Variants in NBEA observed in about 807,000 individuals in gnomAD.
The protein encoded by NBEA is lysosomal-trafficking regulator 2.
A neutral mutation model predicts 343.4 loss-of-function variants in NBEA; 44 were observed. That is an observed-to-expected ratio of 0.13 (90% CI 0.10 to 0.16). The LOEUF is 0.16. NBEA is among the 10% of genes least tolerant of loss of function. NBEA has a pLI of 1.00. For synonymous variants in NBEA, 1,175 were observed against 1,238.7 expected, an observed-to-expected ratio of 0.95 and a Z score of 1.08; for missense variants, 2,555 against 3,631.3, an observed-to-expected ratio of 0.70 and a Z score of 7.62.
chr13:35,237,460 C>T (rs1047497526), intron 34 of NBEA, among the ~76,000 whole-genome samples: 1 of 152,202 alleles, frequency 6.6e-6, no homozygotes, highest in African/African-American at 2.4e-5. Context: ...CGCTCTCCTT[C>T]TGTTTCCCTT....
rs189762573 is a variant in NBEA, at chr13:35,530,301, T to A, written c.6586-20176T>A. On this transcript the variant is annotated intron_variant, in intron 41 of 58. Coordinates refer to ENST00000379939, the MANE Select transcript of NBEA (RefSeq NM_001385012.1). ...TCTGGTGGTGTGATTAGATTGGGGC[T>A]GAACCCTCCAGCTGGCAGGCCTGTC... Among the ~76,000 whole-genome samples, 298 of 152,344 alleles carry A rather than the reference T, an allele frequency of 2.0e-3. 1 individual carries two copies. The highest frequency in any genetic ancestry group is 6.2e-3 in the African/African-American group (257 of 41,588).
At chr13:35,438,219 C>G (rs2045546673) in intron 39 of NBEA, among the ~76,000 whole-genome samples, 1 of 152,118 alleles carries the variant, frequency 6.6e-6, no homozygotes, top group South Asian at 2.1e-4. Context: ...TCTTATGTTC[C>G]TCAGAGATGT....
intron 22 of NBEA, among the ~76,000 whole-genome samples, chr13:35,161,160 C>T (rs558403119): frequency 6.6e-6 from 1 of 152,154 alleles, no homozygotes; most frequent in African/African-American, 2.4e-5. Context: ...TAAAGGAAAA[C>T]ATCGTGCGTT....
chr13:35,643,429 C>A (rs2084065804), intron 49 of NBEA, among the ~76,000 whole-genome samples: 1 of 152,222 alleles, frequency 6.6e-6, no homozygotes, highest in South Asian at 2.1e-4. Flanking sequence ...CAACAAATGT[C>A]TGTTAATTGT....
chr13:34,982,834 G>GT (rs569378032), intron 1 of NBEA, among the ~76,000 whole-genome samples: 25 of 151,642 alleles, frequency 1.6e-4, no homozygotes, highest in East Asian at 7.7e-4. Flanking sequence ...TCACCTATGG[G>GT]TTTTTTTTGC....
intron 34 of NBEA, chr13:35,251,327 C>A: frequency 1.0e-6 from 1 of 973,400 alleles, no homozygotes; most frequent in Non-Finnish European, 1.2e-6. Context: ...CAGCCTGTCA[C>A]TGCCAGCTTC....
intron 17 of NBEA, among the ~76,000 whole-genome samples, chr13:35,125,607 T>C (rs1369491321): frequency 6.6e-6 from 1 of 152,176 alleles, no homozygotes; most frequent in African/African-American, 2.4e-5. Context: ...TCCCTTCTTT[T>C]ACACATATGC....
At chr13:35,197,142 A>T (rs2072673833) in intron 31 of NBEA, among the ~76,000 whole-genome samples, 1 of 152,208 alleles carries the variant, frequency 6.6e-6, no homozygotes, top group African/African-American at 2.4e-5. Context: ...TACTAACAGT[A>T]GTACTTAACA....
chr13:35,203,011 C>A (rs181375004), intron 31 of NBEA, among the ~76,000 whole-genome samples: 1 of 152,144 alleles, frequency 6.6e-6, no homozygotes, highest in African/African-American at 2.4e-5. Context: ...TTTTACTTTG[C>A]TATTCCACTC....
At position 35,550,963 on chromosome 13, in the gene NBEA, C is replaced by T. The variant is rs746816085; in HGVS notation, c.6737C>T (p.Thr2246Ile). The change falls in exon 43 of 59, where the codon ACA becomes ATA. Residue 2246 changes from threonine (T) to isoleucine (I), a missense_variant. By Grantham distance (89) the Thr-to-Ile change is moderately conservative. Around this residue, in one of 21 missense-constraint regions of NBEA, gnomAD observed 246 missense variants for 313.7 expected, o/e 0.78. Transcript: ENST00000379939. ...SVMFNFPDQA[T>I]VKKVVYSLPR... ...ATGTTTAATTTCCCTGATCAAGCAA[C>T]AGTAAAAAAAGTTGTCTATAGCTTG... 6 of 1,610,566 alleles carry T rather than the reference C, an allele frequency of 3.7e-6. No homozygotes were observed. The highest frequency in any genetic ancestry group is 2.2e-5 in the South Asian group (2 of 90,880).
chr13:35,620,336 A>T (rs568547822), intron 48 of NBEA, among the ~76,000 whole-genome samples: 1 of 152,112 alleles, frequency 6.6e-6, no homozygotes, highest in East Asian at 1.9e-4. Flanking sequence ...ATGAAGGGAG[A>T]TTAGAGGTAG....
chr13:34,962,672 TAAAC>T (rs2059697494), intron 1 of NBEA, among the ~76,000 whole-genome samples: 2 of 152,200 alleles, frequency 1.3e-5, no homozygotes, highest in South Asian at 2.1e-4. Flanking sequence ...CTTAATGAAA[TAAAC>T]AACTGCTTTT....
intron 30 of NBEA, among the ~76,000 whole-genome samples, chr13:35,191,284 A>G (rs192402521): frequency 7.9e-5 from 12 of 152,236 alleles, no homozygotes; most frequent in African/African-American, 1.9e-4. Flanking sequence ...TCATTAATAT[A>G]TATGTCTAAA....
At chr13:35,464,679 TG>T (rs2047077716) in intron 40 of NBEA, among the ~76,000 whole-genome samples, 1 of 152,190 alleles carries the variant, frequency 6.6e-6, no homozygotes, top group Non-Finnish European at 1.5e-5. Context: ...TTTTCTTATC[TG>T]TAAAATGGAG....
At chr13:35,288,427 G>A (rs1477188987) in intron 34 of NBEA, among the ~76,000 whole-genome samples, 2 of 151,882 alleles carry the variant, frequency 1.3e-5, no homozygotes, top group Non-Finnish European at 2.9e-5. Flanking sequence ...CATGAGTAAA[G>A]GTGTGAGGTT....
At chr13:35,580,094 T>TA (rs1386395849) in intron 45 of NBEA, among the ~76,000 whole-genome samples, 1 of 152,028 alleles carries the variant, frequency 6.6e-6, no homozygotes, top group African/African-American at 2.4e-5. Context: ...AACTGAATTA[T>TA]AATAATAAAG....
At chr13:35,416,718 C>T (rs1191264088) in intron 38 of NBEA, among the ~76,000 whole-genome samples, 1 of 152,066 alleles carries the variant, frequency 6.6e-6, no homozygotes, top group Non-Finnish European at 1.5e-5. Context: ...TGTGTGTCTG[C>T]CAGGCTTTAG....
At chr13:35,363,821 T>C (rs77501495) in intron 38 of NBEA, among the ~76,000 whole-genome samples, 1,661 of 152,046 alleles carry the variant, frequency 0.011, 30 homozygotes, top group African/African-American at 0.038. Flanking sequence ...AAATGATTAA[T>C]TCTAACTGTT....
chr13:35,353,195 G>C (rs2040288167), intron 38 of NBEA, among the ~76,000 whole-genome samples: 1 of 152,090 alleles, frequency 6.6e-6, no homozygotes, highest in African/African-American at 2.4e-5. Context: ...CAGCACTTTG[G>C]GAGGCCAAGG....
Sources: allele counts gnomAD v4.1 joint callset (sites outside exome capture counted in the v4.1 genomes callset), GRCh38; gene constraint gnomAD v4.1.1; regional missense constraint gnomAD v4.1.1; transcripts MANE v1.5; gene names NCBI Gene and HGNC (gene_info 2026-07-23, HGNC 2026-07-21).